Variants in SERINC2 observed in about 807,000 individuals in gnomAD.
SERINC2 encodes the protein serine incorporator 2.
Under a neutral mutation model 54.2 loss-of-function variants are expected in SERINC2, and 56 were observed. The ratio of observed to expected loss-of-function variants is 1.03; its 90% CI spans 0.83 to 1.29. The LOEUF (loss-of-function observed/expected upper bound fraction) is 1.29, where lower values mean the gene tolerates loss of function less well. Ranked by LOEUF, SERINC2 falls within the 50% of genes most tolerant of loss-of-function variation. The pLI is 0.00. For missense variants in SERINC2, 614 were observed against 607.4 expected, an observed-to-expected ratio of 1.01 and a Z score of -0.12; for synonymous variants, 272 against 253.1, an observed-to-expected ratio of 1.07 and a Z score of -0.71.
chr1:31,414,173 G>A (rs1570022449), intron 1 of SERINC2: 1 of 1,404,136 alleles, frequency 7.1e-7, no homozygotes, highest in Admixed American at 3.0e-5. Context: ...GGGACCTGTG[G>A]GGAGGCCAAC....
chr1:31,412,116 C>G (rs1249499651), upstream of SERINC2, among the ~76,000 whole-genome samples: 2 of 152,002 alleles, frequency 1.3e-5, no homozygotes, highest in Admixed American at 1.3e-4. Context: ...ATGGCTAAGC[C>G]TGGCGCCCAG....
chr1:31,420,553 T>TTTA (rs1553132665), intron 1 of SERINC2, among the ~76,000 whole-genome samples: 3 of 152,176 alleles, frequency 2.0e-5, no homozygotes, highest in East Asian at 3.8e-4. Context: ...GTTTGTTTTT[T>TTTA]CATCACTGGG....
chr1:31,425,753 C>T (rs1553133480), intron 4 of SERINC2, 23 bp from the exon 5 acceptor site: 3 of 1,609,828 alleles, frequency 1.9e-6, no homozygotes, highest in Non-Finnish European at 2.5e-6. Flanking sequence ...CCCTCCTCGC[C>T]TCACTCCCCT....
upstream of SERINC2, among the ~76,000 whole-genome samples, chr1:31,412,266 C>G (rs75127423): frequency 1.4e-3 from 211 of 152,212 alleles, no homozygotes; most frequent in African/African-American, 4.6e-3. Flanking sequence ...AATTACAGAG[C>G]CCTACTTCTG....
chr1:31,415,822 A>T, intron 1 of SERINC2: 1 of 981,156 alleles, frequency 1.0e-6, no homozygotes, highest in Non-Finnish European at 1.2e-6. Context: ...TCAGTGGGGA[A>T]GATTTTTGTA....
At chr1:31,431,734 A>C (rs531656511) in intron 8 of SERINC2, among the ~76,000 whole-genome samples, 1 of 152,266 alleles carries the variant, frequency 6.6e-6, no homozygotes, top group African/African-American at 2.4e-5. Context: ...TGAGATATCC[A>C]TATGGTATTT....
chr1:31,431,911 GAT>G (rs1557500232), intron 8 of SERINC2, among the ~76,000 whole-genome samples: 4 of 147,508 alleles, frequency 2.7e-5, no homozygotes, highest in Admixed American at 6.7e-5. Flanking sequence ...GGATAGGGTG[GAT>G]AGGGTGGTTA....
chr1:31,413,649 C>T lies in SERINC2; in HGVS notation c.39+345C>T, dbSNP rs1553131790. 6.6e-6 allele frequency among the ~76,000 whole-genome samples: 1 copy of T among 151,964 alleles called. No individual in the cohort carries two copies. Among genetic ancestry groups the T allele is most frequent in the African/African-American group, 2.4e-5 (1 of 41,422 alleles). On this transcript the variant is annotated intron_variant, in intron 1 of 9. Coordinates refer to ENST00000373709, the MANE Select transcript of SERINC2 (RefSeq NM_178865.5). This position sits in a 1 kb window ranked among gnomAD's most constrained non-coding sequence, Gnocchi z 5.0. ...GGCAGCTCTGTGGGCCCTCGTCGCCCCACTTGGGGCGGTCCTCGGGGTGGC... is the reference window on the plus strand; with the variant it reads ...GGCAGCTCTGTGGGCCCTCGTCGCCTCACTTGGGGCGGTCCTCGGGGTGGC...
chr1:31,432,447 A>G (rs1553134845), intron 8 of SERINC2, among the ~76,000 whole-genome samples: 1 of 152,106 alleles, frequency 6.6e-6, no homozygotes, highest in Non-Finnish European at 1.5e-5. Context: ...TGTAAGCATG[A>G]AGGAAAGGGA....
chr1:31,429,731 G>A (rs962778387), intron 8 of SERINC2, among the ~76,000 whole-genome samples, 193 bp downstream of exon 8: 1 of 152,234 alleles, frequency 6.6e-6, no homozygotes, highest in East Asian at 1.9e-4. Flanking sequence ...AGAGGCAGGC[G>A]TGACCTTGCC....
intron 1 of SERINC2, chr1:31,414,767 G>A: frequency 1.0e-6 from 1 of 985,464 alleles, no homozygotes; most frequent in Non-Finnish European, 1.2e-6. Context: ...GATTTCCATC[G>A]GTTGCACCTG....
At chr1:31,417,834 A>G (rs1295365522) in intron 1 of SERINC2, among the ~76,000 whole-genome samples, 2 of 141,246 alleles carry the variant, frequency 1.4e-5, no homozygotes, top group Admixed American at 7.2e-5. Flanking sequence ...ATGTTATAGC[A>G]TGTGTCAAAA....
At chr1:31,414,279 CT>C in intron 1 of SERINC2, 1 of 1,323,862 alleles carries the variant, frequency 7.6e-7, no homozygotes, top group Non-Finnish European at 9.6e-7. Context: ...CCCCCCTCTC[CT>C]TTCCTCTTCC....
In SERINC2 at chr1:31,413,300, G is replaced by A. The variant is rs782657908; in HGVS notation, c.35G>A (p.Ser12Asn). ...TGCCTGGGAGCCTGCTCCCTGCTCA[G>A]CTGCGTGAGTCCCGACCCCGGCGCC... ...GACLGACSLL[S>N]CASCLCGSAP... Residue 12 changes from serine to asparagine, a missense_variant, in exon 1 of 10, where the codon AGC (serine) becomes AAC (asparagine). Transcript: ENST00000373709. This position sits in a 1 kb window ranked among gnomAD's most constrained non-coding sequence, Gnocchi z 5.0. 3 of 1,277,866 alleles carry A rather than the reference G, an allele frequency of 2.3e-6. No individual in the cohort carries two copies. The South Asian group carries it at 8.6e-5, about 37-fold the overall frequency. 79.2% of individuals were successfully genotyped at this position (1,277,866 alleles called of 1,614,324 possible). A position where few individuals can be genotyped will look rare whatever the true frequency, so the allele number is the denominator to read the frequency against.
intron 8 of SERINC2, among the ~76,000 whole-genome samples, chr1:31,431,823 T>TAGGGTGGAC (rs1641229744): frequency 7.0e-5 from 2 of 28,450 alleles, no homozygotes; most frequent in African/African-American, 1.6e-4. Context: ...ACAGGGTGGA[T>TAGGGTGGAC]AGGGTGGATA....
intron 7 of SERINC2, 44 bp downstream of exon 7, chr1:31,429,112 G>C (rs1222066330): frequency 6.5e-7 from 1 of 1,537,326 alleles, no homozygotes; most frequent in East Asian, 2.2e-5. Flanking sequence ...CTCGTTCCTG[G>C]GTCAGTATCA....
intron 1 of SERINC2, among the ~76,000 whole-genome samples, chr1:31,421,836 G>A (rs1407251993): frequency 3.3e-5 from 5 of 151,980 alleles, no homozygotes; most frequent in African/African-American, 4.8e-5. Context: ...CATACTCACC[G>A]CTGACTGTCT....
rs782085442 is a variant in SERINC2, at chr1:31,425,375, T to G, written c.438T>G (p.Gly146=). The change falls in exon 4 of 10, where the codon GGT becomes GGG. Residue 146 remains glycine (G), a synonymous_variant. Coordinates refer to ENST00000373709, the MANE Select transcript of SERINC2 (RefSeq NM_178865.5). The stretch of plus-strand genomic sequence containing the variant: ...TGATCCTGGTGGGCCTCACCGTGGG[T>G]GCCTTCTACATTCCTGACGGCTCCT... ...KFLILVGLTV[G]AFYIPDGSFT... is the part of the protein sequence containing the mutation. 6.2e-7 allele frequency: 1 copy of G among 1,613,450 alleles called. No individual in the cohort carries two copies.
intron 8 of SERINC2, among the ~76,000 whole-genome samples, chr1:31,432,188 T>C (rs1332096557): frequency 2.1e-5 from 3 of 144,762 alleles, no homozygotes; most frequent in African/African-American, 2.6e-5. Flanking sequence ...GTGGATAGGG[T>C]GGTTAGAGTG....
Sources: allele counts gnomAD v4.1 joint callset (sites outside exome capture counted in the v4.1 genomes callset), GRCh38; gene constraint gnomAD v4.1.1; non-coding constraint Gnocchi (gnomAD v3.1); transcripts MANE v1.5; gene names NCBI Gene and HGNC (gene_info 2026-07-23, HGNC 2026-07-21).